MIPOL1: variants seen among roughly 807,000 people sequenced by gnomAD.
MIPOL1 encodes mirror-image polydactyly 1.
In MIPOL1, 57 loss-of-function variants were observed where a neutral mutation model predicts 60.9. The observed-to-expected ratio is 0.94, with a 90% CI of 0.76 to 1.17. The LOEUF (loss-of-function observed/expected upper bound fraction) is 1.17. Ranked by LOEUF, MIPOL1 falls within the 50% of genes most tolerant of loss-of-function variation. The pLI, the probability that MIPOL1 is intolerant of heterozygous loss-of-function variation, is 0.00. For synonymous variants in MIPOL1, 179 were observed against 168.8 expected (o/e 1.06, Z -0.47); for missense variants, 551 against 511.6 (o/e 1.08, Z -0.74).
At chr14:37,302,474 A>G (rs1167462555) in intron 7 of MIPOL1, among the ~76,000 whole-genome samples, 1 of 151,528 alleles carries the variant, frequency 6.6e-6, no homozygotes, top group Non-Finnish European at 1.5e-5. Flanking sequence ...GTTGTTTAAA[A>G]GAGTTGTTTA....
chr14:37,476,234 C>T (rs564680577), intron 11 of MIPOL1, among the ~76,000 whole-genome samples: 172 of 152,180 alleles, frequency 1.1e-3, no homozygotes, highest in Middle Eastern at 3.4e-3. Flanking sequence ...ATCTTATGTC[C>T]TGCAATCTTA....
At chr14:37,460,753 T>G (rs1055651466) in intron 11 of MIPOL1, among the ~76,000 whole-genome samples, 1 of 152,042 alleles carries the variant, frequency 6.6e-6, no homozygotes, top group Non-Finnish European at 1.5e-5. Context: ...TCAGTCCCAT[T>G]TACAATAGCC....
chr14:37,503,335 A>G (rs75671464), intron 12 of MIPOL1: 1 of 152,194 alleles, frequency 6.6e-6, no homozygotes, highest in Non-Finnish European at 1.5e-5. Flanking sequence ...GGTTGAAATG[A>G]AGGAAAAAAT....
chr14:37,248,589 A>G (rs1422408572), intron 3 of MIPOL1, among the ~76,000 whole-genome samples: 1 of 152,068 alleles, frequency 6.6e-6, no homozygotes, highest in Non-Finnish European at 1.5e-5. Context: ...GCTCTTTCAG[A>G]CATATAGCGA....
chr14:37,443,457 CAAAAAAAAA>C (rs3062712), intron 11 of MIPOL1, among the ~76,000 whole-genome samples: 2 of 45,460 alleles, frequency 4.4e-5, no homozygotes, highest in African/African-American at 8.1e-5. Context: ...ACTATCTCAC[CAAAAAAAAA>C]AAAAAAAAAA....
intron 9 of MIPOL1, among the ~76,000 whole-genome samples, chr14:37,347,889 CT>C (rs1272634394): frequency 6.6e-6 from 1 of 152,040 alleles, no homozygotes; most frequent in African/African-American, 2.4e-5. Context: ...AGTAAAATAA[CT>C]TTTTTTTCTT....
At chr14:37,308,688 C>T (rs960385166) in intron 9 of MIPOL1, among the ~76,000 whole-genome samples, 169 bp downstream of exon 9, 2 of 152,022 alleles carry the variant, frequency 1.3e-5, no homozygotes, top group Non-Finnish European at 2.9e-5. Context: ...TTTTATTATA[C>T]TACTGTTCAA....
chr14:37,516,365 G>T (rs979891376), intron 12 of MIPOL1, among the ~76,000 whole-genome samples: 6 of 152,106 alleles, frequency 3.9e-5, no homozygotes, highest in Non-Finnish European at 7.4e-5. Flanking sequence ...TTATGAAATA[G>T]AGGCCAAAAT....
chr14:37,304,500 T>C (rs536528840), intron 7 of MIPOL1, among the ~76,000 whole-genome samples: 1 of 151,892 alleles, frequency 6.6e-6, no homozygotes, highest in East Asian at 1.9e-4. Flanking sequence ...TTTTAACATG[T>C]TAAGTGTGGT....
chr14:37,377,746 C>T (rs1268764085), intron 10 of MIPOL1, among the ~76,000 whole-genome samples: 7 of 120,956 alleles, frequency 5.8e-5, no homozygotes, highest in Non-Finnish European at 4.9e-5. Flanking sequence ...ATTTTTATGC[C>T]TTTTTTTTTT....
chr14:37,549,647 C>T lies in MIPOL1; in HGVS notation c.*2676C>T, dbSNP rs1378950789. ...CTTGCAATTTCTGTTGTGATAGTACCATCTCTTTCACATACTACATACAAA... is the reference window on the plus strand; with the variant it reads ...CTTGCAATTTCTGTTGTGATAGTACTATCTCTTTCACATACTACATACAAA... On this transcript the variant is annotated 3_prime_UTR_variant, in exon 13 of 13. Transcript: ENST00000684589. The T allele has an allele frequency of 6.6e-6, 1 of 151,764 alleles. No homozygotes were observed. The highest frequency in any genetic ancestry group is 1.5e-5 in the Non-Finnish European group (1 of 67,800). The allele number at this position is 151,764 out of a possible 1,614,324, so 9.4% of individuals were successfully genotyped here. A position where few individuals can be genotyped will look rare whatever the true frequency, so the allele number is the denominator to read the frequency against.
At chr14:37,474,215 C>A (rs1259607723) in intron 11 of MIPOL1, among the ~76,000 whole-genome samples, 1 of 152,090 alleles carries the variant, frequency 6.6e-6, no homozygotes, top group Non-Finnish European at 1.5e-5. Context: ...ATGAATAAAA[C>A]TAGTATAAAC....
chr14:37,336,486 T>C (rs1263827294), intron 9 of MIPOL1, among the ~76,000 whole-genome samples: 1 of 151,232 alleles, frequency 6.6e-6, no homozygotes, highest in African/African-American at 2.4e-5. Flanking sequence ...GCATTCTTTA[T>C]TTCTGTTATA....
chr14:37,293,246 C>T (rs912460478), intron 7 of MIPOL1, among the ~76,000 whole-genome samples: 5 of 152,144 alleles, frequency 3.3e-5, no homozygotes, highest in African/African-American at 7.2e-5. Context: ...ACTATCTTCC[C>T]AACACCTGTT....
intron 9 of MIPOL1, among the ~76,000 whole-genome samples, chr14:37,364,682 C>T (rs1250046258): frequency 1.3e-5 from 2 of 152,054 alleles, no homozygotes; most frequent in Non-Finnish European, 2.9e-5. Context: ...GTTCTTTTTG[C>T]TTAGGGTAAC....
intron 10 of MIPOL1, among the ~76,000 whole-genome samples, chr14:37,404,777 G>A (rs1020104696): frequency 2.6e-5 from 4 of 152,146 alleles, no homozygotes; most frequent in African/African-American, 9.7e-5. Flanking sequence ...CTGCAGAGCA[G>A]CTGGCTGTTG....
intron 10 of MIPOL1, among the ~76,000 whole-genome samples, chr14:37,396,188 C>A (rs2093368517): frequency 6.6e-6 from 1 of 152,068 alleles, no homozygotes; most frequent in East Asian, 1.9e-4. Flanking sequence ...AATTCTCTCA[C>A]CATTTGTTTG....
At chr14:37,450,816 C>T (rs1196391714) in intron 11 of MIPOL1, among the ~76,000 whole-genome samples, 3 of 151,980 alleles carry the variant, frequency 2.0e-5, no homozygotes, top group Non-Finnish European at 2.9e-5. Flanking sequence ...GATTTCAAGT[C>T]TTTTTTATCA....
intron 9 of MIPOL1, among the ~76,000 whole-genome samples, chr14:37,316,529 C>T (rs1212249934): frequency 6.6e-6 from 1 of 150,950 alleles, no homozygotes; most frequent in African/African-American, 2.4e-5. Context: ...TTTTTTTCCC[C>T]CTCCTGTAAT....
Sources: gnomAD v4.1 joint callset for allele counts (sites outside exome capture counted in the v4.1 genomes callset) on GRCh38, gnomAD v4.1.1 for gene constraint, MANE v1.5 for transcripts, NCBI Gene and HGNC (gene_info 2026-07-23, HGNC 2026-07-21) for gene names.